BRWD1: variants seen among roughly 807,000 people sequenced by gnomAD.
The protein encoded by BRWD1 is bromodomain and WD repeat-containing protein 1.
A neutral mutation model predicts 251.2 loss-of-function variants in BRWD1; 82 were observed. That is an observed-to-expected ratio of 0.33 (90% CI 0.27 to 0.39). The LOEUF (loss-of-function observed/expected upper bound fraction) is 0.39, where lower values mean the gene tolerates loss of function less well. Ranked by LOEUF, BRWD1 falls within the 10% of genes least tolerant of loss-of-function variation. BRWD1 has a pLI of 1.00. For missense variants in BRWD1, 2,233 were observed against 2,711.6 expected (o/e 0.82, Z 3.92); for synonymous variants, 918 against 902.8 (o/e 1.02, Z -0.30).
In BRWD1 at chr21:39,276,289, G is replaced by A. The variant is rs1034594442; in HGVS notation, c.1105-76C>T. On this transcript the variant is annotated intron_variant, in intron 11 of 40. Transcript: ENST00000342449. Reference sequence around the variant, plus strand: ...GAATTTGAAAAAATGAAGTTTTAATGCTAGAAGCCTATTTGCTTTAACAAG... The same window carrying A: ...GAATTTGAAAAAATGAAGTTTTAATACTAGAAGCCTATTTGCTTTAACAAG... 4.4e-6 allele frequency: 6 copies of A among 1,363,056 alleles called. No individual in the cohort carries two copies. In the South Asian group the frequency reaches 5.5e-5, roughly 13 times the overall value. The allele number at this position is 1,363,056 out of a possible 1,614,324, so 84.4% of individuals were successfully genotyped here. A position where few individuals can be genotyped will look rare whatever the true frequency, so the allele number is the denominator to read the frequency against.
At chr21:39,223,427 AAC>A (rs1287768593) in intron 29 of BRWD1, among the ~76,000 whole-genome samples, 1 of 152,234 alleles carries the variant, frequency 6.6e-6, no homozygotes, top group African/African-American at 2.4e-5. Context: ...AATCAGTAAA[AAC>A]ACATAAAGAA....
At chr21:39,222,559 A>C (rs764617553) in intron 29 of BRWD1, among the ~76,000 whole-genome samples, 7 of 152,356 alleles carry the variant, frequency 4.6e-5, no homozygotes, top group East Asian at 1.9e-4. Flanking sequence ...CAGTGGCCAA[A>C]TCTGCAATAA....
At chr21:39,267,841 C>A (rs1423597219) in intron 15 of BRWD1, among the ~76,000 whole-genome samples, 1 of 152,076 alleles carries the variant, frequency 6.6e-6, no homozygotes, top group Admixed American at 6.5e-5. Context: ...AGTTAACTTT[C>A]TTCTCAGACA....
chr21:39,243,525 A>G (rs1037893153), intron 21 of BRWD1, among the ~76,000 whole-genome samples: 1 of 152,158 alleles, frequency 6.6e-6, no homozygotes, highest in Non-Finnish European at 1.5e-5. Context: ...GGCTCATTGC[A>G]GCCTCAACCT....
rs564816982 is a variant in BRWD1, at chr21:39,264,348, T to C, written c.1885+112A>G. On this transcript the variant is annotated intron_variant, in intron 17 of 40. Coordinates refer to ENST00000342449, the MANE Select transcript of BRWD1 (RefSeq NM_033656.4). ...CACAGAAAAAAAATAATAAAACAAA[T>C]ATTGCAAAATATTAATAATTGGGGA... 578 of 699,194 alleles carry C rather than the reference T, an allele frequency of 8.3e-4. 3 individuals are homozygous for C. The highest frequency in any genetic ancestry group is 6.8e-3 in the Middle Eastern group (16 of 2,358). The allele number at this position is 699,194 out of a possible 1,614,324, so 43.3% of individuals were successfully genotyped here. A position where few individuals can be genotyped will look rare whatever the true frequency, so the allele number is the denominator to read the frequency against.
chr21:39,245,860 G>A (rs946563834), intron 21 of BRWD1, among the ~76,000 whole-genome samples: 5 of 151,942 alleles, frequency 3.3e-5, no homozygotes, highest in Admixed American at 6.6e-5. Flanking sequence ...CCTTGGCCTC[G>A]CAAAGTCCTG....
At chr21:39,253,687 C>A (rs2034471417) in intron 19 of BRWD1, among the ~76,000 whole-genome samples, 1 of 152,320 alleles carries the variant, frequency 6.6e-6, no homozygotes, top group East Asian at 1.9e-4. Flanking sequence ...TAAGTACTAT[C>A]TAATAACACT....
intron 8 of BRWD1, among the ~76,000 whole-genome samples, chr21:39,285,693 CAGG>C: frequency 1.3e-5 from 2 of 151,912 alleles, no homozygotes; most frequent in South Asian, 4.2e-4. Flanking sequence ...GAGGCCAAGG[CAGG>C]AGGACTGCTC....
intron 34 of BRWD1, among the ~76,000 whole-genome samples, chr21:39,212,373 G>A (rs1302543805): frequency 6.6e-6 from 1 of 152,128 alleles, no homozygotes; most frequent in Non-Finnish European, 1.5e-5. Flanking sequence ...CCAGTCAGGT[G>A]TAGTTCCCTT....
chr21:39,192,127 G>A lies in BRWD1; in HGVS notation c.*4132C>T. ...CAATATATTAGGAACCAGCTTGGCA[G>A]ATTATGAAAAAGGTAAAAATCTCTT... On this transcript the variant is annotated 3_prime_UTR_variant, in exon 41 of 41. Coordinates refer to ENST00000342449, the MANE Select transcript of BRWD1 (RefSeq NM_033656.4). 1.0e-6 allele frequency: 1 copy of A among 985,100 alleles called. No homozygotes were observed. The highest frequency in any genetic ancestry group is 1.2e-6 in the Non-Finnish European group (1 of 829,670). 61.0% of individuals were successfully genotyped at this position (985,100 alleles called of 1,614,324 possible). A position where few individuals can be genotyped will look rare whatever the true frequency, so the allele number is the denominator to read the frequency against.
chr21:39,203,265 A>C (rs1281510631), intron 37 of BRWD1, among the ~76,000 whole-genome samples: 1 of 152,096 alleles, frequency 6.6e-6, no homozygotes, highest in Non-Finnish European at 1.5e-5. Context: ...TAGCCTGGGC[A>C]ACATAGCATG....
intron 12 of BRWD1, among the ~76,000 whole-genome samples, chr21:39,274,791 C>T (rs942094021): frequency 6.6e-6 from 1 of 152,138 alleles, no homozygotes; most frequent in African/African-American, 2.4e-5. Context: ...TCTGTAATCC[C>T]AGCACTTTGG....
chr21:39,191,642 T>C lies in BRWD1; in HGVS notation c.*4617A>G. 1.0e-6 allele frequency: 1 copy of C among 984,408 alleles called. No individual in the cohort carries two copies. The highest frequency in any genetic ancestry group is 1.2e-6 in the Non-Finnish European group (1 of 829,070). The allele number at this position is 984,408 out of a possible 1,614,324, so 61.0% of individuals were successfully genotyped here. A position where few individuals can be genotyped will look rare whatever the true frequency, so the allele number is the denominator to read the frequency against. On this transcript the variant is annotated 3_prime_UTR_variant, in exon 41 of 41. Transcript: ENST00000342449. ...TTCACATTTAGAAAATTAACTTGAA[T>C]ATATCAAAAATTAAAGATCCCTTTA...
chr21:39,313,753 C>T (rs369592934), upstream of BRWD1: 4 of 384,466 alleles, frequency 1.0e-5, no homozygotes, highest in Non-Finnish European at 1.9e-5. Flanking sequence ...CCCGGGGAGG[C>T]GAACCTCGCT....
At position 39,238,587 on chromosome 21, in the gene BRWD1, G is replaced by A. The variant is rs1192957658; in HGVS notation, c.2482-14C>T. The A allele has an allele frequency of 4.4e-6, 7 of 1,591,080 alleles. No homozygotes were observed. Among genetic ancestry groups the A allele is most frequent in the Middle Eastern group, 1.7e-4 (1 of 6,026 alleles). ...ACAGGAAGTCTCCTAATTTGTGAAG[G>A]GGGGAAAAAAATCTTGATCCCTGAA... is the stretch of plus-strand genomic sequence containing the variant. On this transcript the variant is annotated splice_polypyrimidine_tract_variant and intron_variant, in intron 21 of 40. Transcript: ENST00000342449.
chr21:39,278,835 C>T, intron 9 of BRWD1, 22 bp from the exon 10 acceptor site: 1 of 1,543,512 alleles, frequency 6.5e-7, no homozygotes, highest in South Asian at 1.2e-5. Context: ...GAAGATGCTG[C>T]TTTAAAATAG....
intron 21 of BRWD1, among the ~76,000 whole-genome samples, chr21:39,246,570 C>T (rs2034196507): frequency 6.6e-6 from 1 of 152,142 alleles, no homozygotes. Context: ...TGTTGATAAG[C>T]AGCACTATTC....
chr21:39,296,536 T>C (rs1335655861), intron 5 of BRWD1, 173 bp from the exon 6 acceptor site: 3 of 1,242,224 alleles, frequency 2.4e-6, no homozygotes, highest in East Asian at 3.1e-5. Context: ...AAAAAGAAAA[T>C]TAAGACATCT....
chr21:39,280,291 C>T, intron 8 of BRWD1, 43 bp from the exon 9 acceptor site: 1 of 1,460,628 alleles, frequency 6.8e-7, no homozygotes, highest in Non-Finnish European at 9.4e-7. Context: ...AGAACTTCTA[C>T]TTAAGTTACA....
Sources: gnomAD v4.1 joint callset for allele counts (sites outside exome capture counted in the v4.1 genomes callset) on GRCh38, gnomAD v4.1.1 for gene constraint, MANE v1.5 for transcripts, NCBI Gene and HGNC (gene_info 2026-07-23, HGNC 2026-07-21) for gene names.